CDYL2: variants seen among roughly 807,000 people sequenced by gnomAD.
CDYL2 encodes chromodomain Y-like protein 2.
Under a neutral mutation model 49.4 loss-of-function variants are expected in CDYL2, and 23 were observed. The ratio of observed to expected loss-of-function variants is 0.47; its 90% CI spans 0.34 to 0.66. CDYL2 has a LOEUF of 0.66. CDYL2 is among the 30% of genes least tolerant of loss of function. The pLI, the probability that CDYL2 is intolerant of heterozygous loss-of-function variation, is 0.01. For synonymous variants in CDYL2, 360 were observed against 268.8 expected (o/e 1.34, Z -3.32); for missense variants, 678 against 656.4 (o/e 1.03, Z -0.36).
rs117509555 is a variant in CDYL2 at position 80,762,803 on chromosome 16, G to A, written c.24+41347C>T. Reference sequence around the variant, plus strand: ...GTTTGAGCTCTCATAGGGCAGAGACGTGTCCTTTCTGCTCCCTGGTGTCCC... The same window carrying A: ...GTTTGAGCTCTCATAGGGCAGAGACATGTCCTTTCTGCTCCCTGGTGTCCC... On this transcript the variant is annotated intron_variant, in intron 1 of 6. Coordinates refer to ENST00000570137, the MANE Select transcript of CDYL2 (RefSeq NM_152342.4). Among the ~76,000 whole-genome samples the A allele has an allele frequency of 7.2e-3, 1,099 of 152,210 alleles. 4 individuals carry two copies. Among genetic ancestry groups the A allele is most frequent in the Non-Finnish European group, 0.011 (742 of 68,020 alleles).
intron 2 of CDYL2, among the ~76,000 whole-genome samples, chr16:80,647,024 G>A (rs1486793757): frequency 6.6e-6 from 1 of 152,144 alleles, no homozygotes; most frequent in South Asian, 2.1e-4. Context: ...ATTATATAAT[G>A]ATAAATACAC....
chr16:80,694,712 G>A (rs1202799705), intron 1 of CDYL2, among the ~76,000 whole-genome samples: 1 of 152,022 alleles, frequency 6.6e-6, no homozygotes, highest in Admixed American at 6.5e-5. Context: ...CTATCAATGA[G>A]CACATCCAGC....
chr16:80,654,469 T>C (rs114862903), intron 2 of CDYL2, among the ~76,000 whole-genome samples: 2,544 of 152,290 alleles, frequency 0.017, 58 homozygotes, highest in African/African-American at 0.038. Context: ...ATTTGCTGTC[T>C]CTCTAATAAC....
At chr16:80,744,188 A>G (rs1905847637) in intron 1 of CDYL2, among the ~76,000 whole-genome samples, 1 of 152,240 alleles carries the variant, frequency 6.6e-6, no homozygotes, top group Admixed American at 6.5e-5. Flanking sequence ...TGTGATTCTA[A>G]GTCCAGAGAC....
chr16:80,664,125 G>T lies in CDYL2; in HGVS notation c.616+20413C>A, dbSNP rs957524169. On this transcript the variant is annotated intron_variant, in intron 2 of 6. Transcript: ENST00000570137. ...AAATTCATTTTTATCACCTTTTCTTGCAACTCCCCTGCTCAAAAGTTCACA... is the reference window on the plus strand; with the variant it reads ...AAATTCATTTTTATCACCTTTTCTTTCAACTCCCCTGCTCAAAAGTTCACA... Among the ~76,000 whole-genome samples, 12 of 152,062 alleles carry T rather than the reference G, an allele frequency of 7.9e-5. No homozygotes were observed. The South Asian group carries it at 2.5e-3, about 32-fold the overall frequency.
chr16:80,740,870 A>C (rs991590457), intron 1 of CDYL2, among the ~76,000 whole-genome samples: 1 of 151,892 alleles, frequency 6.6e-6, no homozygotes, highest in African/African-American at 2.4e-5. Flanking sequence ...GTTTTACCAA[A>C]TAGAGACACT....
rs763194077 is a variant in CDYL2, at chr16:80,712,215, A to ATATATATATATATATATCTCTC, written c.25-27087_25-27086insGAGAGATATATATATATATATA. ...TGTATATATATATATATATATATAT[A>ATATATATATATATATATCTCTC]TCTCCAAACCACTGCTCACTGTGAT... On this transcript the variant is annotated intron_variant, in intron 1 of 6. Transcript: ENST00000570137. 2.6e-4 allele frequency among the ~76,000 whole-genome samples: 33 copies of ATATATATATATATATATCTCTC among 128,370 alleles called. 1 individual carries two copies. The highest frequency in any genetic ancestry group is 5.1e-3 in the Middle Eastern group (1 of 196). 84.2% of individuals were successfully genotyped at this position (128,370 alleles called of 152,430 possible).
At chr16:80,628,100 A>G (rs545597125) in intron 3 of CDYL2, 2 of 152,376 alleles carry the variant, frequency 1.3e-5, no homozygotes, top group South Asian at 4.1e-4. Context: ...CCCGTACCCT[A>G]GACTAGATGC....
chr16:80,734,779 C>G (rs1160732284), intron 1 of CDYL2, among the ~76,000 whole-genome samples: 1 of 152,186 alleles, frequency 6.6e-6, no homozygotes, highest in Non-Finnish European at 1.5e-5. Flanking sequence ...CATACTATTA[C>G]ACATTCCCTC....
chr16:80,614,322 C>T (rs1453548847), intron 4 of CDYL2, among the ~76,000 whole-genome samples: 1 of 152,192 alleles, frequency 6.6e-6, no homozygotes, highest in African/African-American at 2.4e-5. Context: ...TGAGCAAAAA[C>T]CCACCAGTAC....
chr16:80,638,196 T>G (rs956862445), intron 2 of CDYL2, among the ~76,000 whole-genome samples: 5 of 152,042 alleles, frequency 3.3e-5, no homozygotes, highest in Non-Finnish European at 5.9e-5. Flanking sequence ...CTCCTTAGCC[T>G]CCCAAGTAGC....
intron 1 of CDYL2, among the ~76,000 whole-genome samples, chr16:80,802,487 C>G (rs1316649215): frequency 1.3e-5 from 2 of 152,226 alleles, no homozygotes; most frequent in Non-Finnish European, 2.9e-5. Context: ...TTGAAACAGA[C>G]CAAGGCGCTT....
intron 2 of CDYL2, among the ~76,000 whole-genome samples, chr16:80,671,615 C>A (rs1274030200): frequency 6.6e-6 from 1 of 152,186 alleles, no homozygotes; most frequent in Admixed American, 6.5e-5. Context: ...CAGGAGTGAA[C>A]CAGCCACAAA....
intron 4 of CDYL2, among the ~76,000 whole-genome samples, chr16:80,616,263 G>C (rs1906822612): frequency 6.6e-6 from 1 of 152,210 alleles, no homozygotes; most frequent in East Asian, 1.9e-4. Flanking sequence ...TGTTGCCCCA[G>C]ATAGGGAGCT....
intron 2 of CDYL2, among the ~76,000 whole-genome samples, chr16:80,657,816 C>A (rs923914069): frequency 2.0e-5 from 3 of 152,086 alleles, no homozygotes; most frequent in African/African-American, 7.2e-5. Flanking sequence ...AACAGGAAAA[C>A]TGTACTTCCA....
intron 4 of CDYL2, among the ~76,000 whole-genome samples, chr16:80,614,069 G>A (rs899561316): frequency 6.6e-6 from 1 of 152,296 alleles, no homozygotes; most frequent in African/African-American, 2.4e-5. Flanking sequence ...GACACCCAGA[G>A]GTCTGCCTGG....
intron 2 of CDYL2, among the ~76,000 whole-genome samples, chr16:80,636,716 G>T (rs750543206): frequency 3.3e-5 from 5 of 152,148 alleles, no homozygotes; most frequent in African/African-American, 4.8e-5. Flanking sequence ...TATACCCAAA[G>T]GATTATAAAT....
chr16:80,748,984 T>C (rs552886076), intron 1 of CDYL2, among the ~76,000 whole-genome samples: 2 of 152,162 alleles, frequency 1.3e-5, no homozygotes, highest in Admixed American at 6.5e-5. Context: ...ACATTGAGGA[T>C]AGAAAAATAC....
intron 1 of CDYL2, among the ~76,000 whole-genome samples, chr16:80,725,090 T>C (rs1253448482): frequency 6.6e-6 from 1 of 152,190 alleles, no homozygotes; most frequent in Non-Finnish European, 1.5e-5. Context: ...GGACATGTTC[T>C]GTCCTTTCCC....
Sources: gnomAD v4.1 joint callset for allele counts (sites outside exome capture counted in the v4.1 genomes callset) on GRCh38, gnomAD v4.1.1 for gene constraint, MANE v1.5 for transcripts, NCBI Gene and HGNC (gene_info 2026-07-23, HGNC 2026-07-21) for gene names.